The following RNF139 variants were observed in gnomAD, a reference collection of about 807,000 sequenced individuals.
RNF139 encodes ring finger protein 139.
A neutral mutation model predicts 49.5 loss-of-function variants in RNF139; 15 were observed. The ratio of observed to expected loss-of-function variants is 0.30; its 90% confidence interval spans 0.20 to 0.47. The LOEUF (loss-of-function observed/expected upper bound fraction) is 0.47. Ranked by LOEUF, RNF139 falls within the 20% of genes least tolerant of loss-of-function variation. RNF139 has a pLI of 1.00. For synonymous variants in RNF139, 325 were observed against 300.9 expected, an observed-to-expected ratio of 1.08 and a Z score of -0.83; for missense variants, 619 against 806.3, an observed-to-expected ratio of 0.77 and a Z score of 2.81.
intron 1 of RNF139, among the ~76,000 whole-genome samples, chr8:124,480,900 A>G (rs1816396274): frequency 6.6e-6 from 1 of 152,190 alleles, no homozygotes; most frequent in South Asian, 2.1e-4. Flanking sequence ...AAAATGGGAC[A>G]AAGACCAAAT....
At position 124,486,636 on chromosome 8, in the gene RNF139, T is replaced by G; in HGVS notation, c.987T>G (p.Val329=). The G allele has an allele frequency of 2.5e-6, 4 of 1,614,146 alleles. No individual in the cohort carries two copies. In the South Asian group the frequency reaches 3.3e-5, roughly 13 times the overall value. ...GGCGTCTTGGCTTTGTTGCACCTGT[T>G]TTATTTTTTATTTTGGCTCTTCAGA... ...DDRRLGFVAP[V]LFFILALQTG... Residue 329 remains valine (V), a synonymous_variant, in exon 2 of 2, where the codon GTT becomes GTG. Transcript: ENST00000303545.
At chr8:124,484,875 A>G (rs879385146) in intron 1 of RNF139, among the ~76,000 whole-genome samples, 11 of 152,184 alleles carry the variant, frequency 7.2e-5, no homozygotes, top group Admixed American at 2.0e-4. Flanking sequence ...ATACAGGAAA[A>G]AGGGAACTTG....
intron 1 of RNF139, among the ~76,000 whole-genome samples, chr8:124,477,433 C>G (rs556256396): frequency 9.3e-4 from 141 of 152,270 alleles, no homozygotes; most frequent in African/African-American, 3.2e-3. Flanking sequence ...CTTCTCAGTA[C>G]TACTGTGTAT....
rs1348916273 is a variant in RNF139 at position 124,482,931 on chromosome 8, A to AAT, written c.182-2896_182-2895dup. Among the ~76,000 whole-genome samples the AAT allele has an allele frequency of 3.7e-5, 4 of 109,250 alleles. No homozygotes were observed. In the South Asian group the frequency reaches 1.1e-3, roughly 30 times the overall value. The allele number at this position is 109,250 out of a possible 152,430, so 71.7% of individuals were successfully genotyped here. ...ACAGGAGCGAAACTCCATTAAAAAA[A>AAT]ATATAAAAAAAAATATATATATATA... On this transcript the variant is annotated intron_variant, in intron 1 of 1. Coordinates refer to ENST00000303545, the MANE Select transcript of RNF139 (RefSeq NM_007218.4).
intron 1 of RNF139, among the ~76,000 whole-genome samples, chr8:124,481,736 C>T (rs1431249501): frequency 6.6e-6 from 1 of 152,006 alleles, no homozygotes; most frequent in African/African-American, 2.4e-5. Context: ...ATTACTTGTG[C>T]AAGTCACTTC....
In RNF139 at chr8:124,487,417, T is replaced by C. The variant is rs373400660; in HGVS notation, c.1768T>C (p.Tyr590His). Residue 590 changes from tyrosine to histidine, a missense_variant, in exon 2 of 2, where the codon TAC becomes CAC. By Grantham distance (83) the Tyr-to-His change is moderately conservative (BLOSUM62 2). This residue lies in a region of RNF139 where 530 missense variants were observed against 728.9 expected (regional missense o/e 0.73). Coordinates refer to ENST00000303545, the MANE Select transcript of RNF139 (RefSeq NM_007218.4). ...TTGTCCAATGTGCCATCAGAAAGTATACATCGAAGATGATATCAAGGATAA... is the reference window on the plus strand; with the variant it reads ...TTGTCCAATGTGCCATCAGAAAGTACACATCGAAGATGATATCAAGGATAA... ...DTCPMCHQKV[Y>H]IEDDIKDNSN... 1.1e-5 allele frequency: 18 copies of C among 1,614,004 alleles called. No homozygotes were observed. The highest frequency in any genetic ancestry group is 1.5e-5 in the Non-Finnish European group (18 of 1,180,000).
At chr8:124,478,587 G>A (rs1278693086) in intron 1 of RNF139, among the ~76,000 whole-genome samples, 2 of 144,342 alleles carry the variant, frequency 1.4e-5, no homozygotes, top group Non-Finnish European at 3.0e-5. Context: ...CAGCCTGGGC[G>A]ATAGAGCGAG....
chr8:124,475,058 C>T lies in RNF139; in HGVS notation c.-52C>T, dbSNP rs1816285443. 3.0e-6 allele frequency: 4 copies of T among 1,326,880 alleles called. No individual in the cohort carries two copies. The highest frequency in any genetic ancestry group is 2.9e-6 in the Non-Finnish European group (3 of 1,039,546). The allele number at this position is 1,326,880 out of a possible 1,614,324, so 82.2% of individuals were successfully genotyped here. On this transcript the variant is annotated 5_prime_UTR_variant, in exon 1 of 2. Transcript: ENST00000303545. Reference sequence around the variant, plus strand: ...CCGCCCCCGGCCGCGGCCCCGGGCCCTGCCCCGCGCGGCCCTGCCCGGCCC... The same window carrying T: ...CCGCCCCCGGCCGCGGCCCCGGGCCTTGCCCCGCGCGGCCCTGCCCGGCCC...
rs772491425 is a variant in RNF139 at position 124,488,611 on chromosome 8, A to ATACTT, written c.*970_*974dup. 3 of 1,557,596 alleles carry ATACTT rather than the reference A, an allele frequency of 1.9e-6. No homozygotes were observed. The highest frequency in any genetic ancestry group is 2.6e-6 in the Non-Finnish European group (3 of 1,134,956). ...TATACCAATTATATTCCAGGAAAAA[A>ATACTT]TACTTTAATAGTATTGTTATATAGT... On this transcript the variant is annotated 3_prime_UTR_variant, in exon 2 of 2. Transcript: ENST00000303545.
At chr8:124,478,436 C>T (rs918274276) in intron 1 of RNF139, among the ~76,000 whole-genome samples, 22 of 151,812 alleles carry the variant, frequency 1.4e-4, no homozygotes, top group African/African-American at 5.3e-4. Context: ...GGCCAAATGG[C>T]ACAACCCGTG....
In RNF139 at chr8:124,475,190, G is replaced by C; in HGVS notation, c.81G>C (p.Arg27=). 1 of 1,613,978 alleles carries C rather than the reference G, an allele frequency of 6.2e-7. No individual in the cohort carries two copies. Among genetic ancestry groups the C allele is most frequent in the Non-Finnish European group, 8.5e-7 (1 of 1,179,992 alleles). The change falls in exon 1 of 2, where the codon CGG becomes CGC. Residue 27 remains arginine (R), a synonymous_variant. Transcript: ENST00000303545. ...QVWAALEVAL[R]VPCLYIIDAI... Reference sequence around the variant, plus strand: ...GGGCGGCGCTCGAAGTGGCGCTCCGGGTGCCCTGCCTTTACATCATCGACG... The same window carrying C: ...GGGCGGCGCTCGAAGTGGCGCTCCGCGTGCCCTGCCTTTACATCATCGACG...
intron 1 of RNF139, 55 bp downstream of exon 1, chr8:124,475,345 C>A: frequency 6.4e-7 from 1 of 1,558,376 alleles, no homozygotes; most frequent in Non-Finnish European, 8.7e-7. Context: ...CGAGACGTTC[C>A]CCGGGGAGCG....
rs560146482 is a variant in RNF139, at chr8:124,475,172, G to A, written c.63G>A (p.Ala21=). The change falls in exon 1 of 2, where the codon GCG becomes GCA. Residue 21 remains alanine, a synonymous_variant. Transcript: ENST00000303545. ...TGGCCCATCAGCAGGTCTGGGCGGCGCTCGAAGTGGCGCTCCGGGTGCCCT... is the reference window on the plus strand; with the variant it reads ...TGGCCCATCAGCAGGTCTGGGCGGCACTCGAAGTGGCGCTCCGGGTGCCCT... The part of the protein sequence containing the change: ...VRMAHQQVWA[A]LEVALRVPCL... 6.2e-7 allele frequency: 1 copy of A among 1,613,428 alleles called. No homozygotes were observed. The highest frequency in any genetic ancestry group is 1.7e-5 in the Admixed American group (1 of 60,020).
rs754508767 is a variant in RNF139, at chr8:124,488,575, A to G, written c.*931A>G. 3 of 1,235,252 alleles carry G rather than the reference A, an allele frequency of 2.4e-6. No homozygotes were observed. The highest frequency in any genetic ancestry group is 3.5e-6 in the Non-Finnish European group (3 of 863,848). The allele number at this position is 1,235,252 out of a possible 1,614,324, so 76.5% of individuals were successfully genotyped here. Reference sequence around the variant, plus strand: ...ATGAAATTTTACATACATGATGGAAAGTGGAAGACATATACCAATTATATT... The same window carrying G: ...ATGAAATTTTACATACATGATGGAAGGTGGAAGACATATACCAATTATATT... On this transcript the variant is annotated 3_prime_UTR_variant, in exon 2 of 2. Transcript: ENST00000303545.
At position 124,475,289 on chromosome 8, in the gene RNF139, T is replaced by C. The variant is rs768929094; in HGVS notation, c.180T>C (p.Phe60=). 2 of 1,612,630 alleles carry C rather than the reference T, an allele frequency of 1.2e-6. No individual in the cohort carries two copies. Among genetic ancestry groups the C allele is most frequent in the Non-Finnish European group, 1.7e-6 (2 of 1,179,264 alleles). Residue 60 remains phenylalanine (F), a splice_region_variant and synonymous_variant, in exon 1 of 2, where the codon TTT becomes TTC. Transcript: ENST00000303545. ...CIVLQIFLRL[F]GVFASSIVLI... ...TGCTCCAGATCTTCCTCCGGCTCTTTGGTAAGGGAACAGGGTACCGTACGT... is the reference window on the plus strand; with the variant it reads ...TGCTCCAGATCTTCCTCCGGCTCTTCGGTAAGGGAACAGGGTACCGTACGT...
chr8:124,485,899 T>C lies in RNF139; in HGVS notation c.250T>C (p.Ser84Pro), dbSNP rs1262183014. Reference protein sequence around the residue: ...RSLFKFYTYSSAFLLAATSVL... With the variant: ...RSLFKFYTYSPAFLLAATSVL... ...ACTTTTCAAGTTTTACACGTACAGC[T>C]CAGCCTTTCTGTTAGCTGCAACTTC... The change falls in exon 2 of 2, where the codon TCA becomes CCA. Residue 84 changes from serine to proline, a missense_variant. Physicochemically the swap from Ser to Pro is moderately conservative, Grantham distance 74. Around this residue, in one of 2 missense-constraint regions of RNF139, gnomAD observed 530 missense variants for 728.9 expected, o/e 0.73. Transcript: ENST00000303545. 1 of 1,613,986 alleles carries C rather than the reference T, an allele frequency of 6.2e-7. No individual in the cohort carries two copies. The highest frequency in any genetic ancestry group is 8.5e-7 in the Non-Finnish European group (1 of 1,179,918).
chr8:124,480,810 C>A (rs1456029088), intron 1 of RNF139, among the ~76,000 whole-genome samples: 1 of 152,084 alleles, frequency 6.6e-6, no homozygotes, highest in Non-Finnish European at 1.5e-5. Context: ...TATCTAGGGG[C>A]CCCCAGGCAC....
chr8:124,479,176 C>T (rs1182805441), intron 1 of RNF139, among the ~76,000 whole-genome samples: 1 of 152,238 alleles, frequency 6.6e-6, no homozygotes, highest in African/African-American at 2.4e-5. Context: ...CTGCAACCTC[C>T]ACCTCCCAGG....
At chr8:124,485,645 T>C (rs1816515621) in intron 1 of RNF139, among the ~76,000 whole-genome samples, 186 bp from the exon 2 acceptor site, 1 of 152,180 alleles carries the variant, frequency 6.6e-6, no homozygotes, top group African/African-American at 2.4e-5. Flanking sequence ...GTATGTTTGG[T>C]CTGTTCTCCT....
Sources: allele counts gnomAD v4.1 joint callset (sites outside exome capture counted in the v4.1 genomes callset), GRCh38; gene constraint gnomAD v4.1.1; regional missense constraint gnomAD v4.1.1; transcripts MANE v1.5; gene names NCBI Gene and HGNC (gene_info 2026-07-23, HGNC 2026-07-21).